Variants in VAMP4 observed in about 807,000 individuals in gnomAD.
The protein encoded by VAMP4 is vesicle associated membrane protein 4, also known as vesicle-associated membrane protein 4.
A neutral mutation model predicts 23.5 loss-of-function variants in VAMP4; 19 were observed. That is an observed-to-expected ratio of 0.81 (90% CI 0.56 to 1.19). The LOEUF (loss-of-function observed/expected upper bound fraction) is 1.19, where lower values mean the gene tolerates loss of function less well. Among genes scored for constraint, VAMP4 ranks in the 50% most tolerant of loss-of-function variants. The pLI is 0.00. For missense variants in VAMP4, 145 were observed against 168.6 expected, an observed-to-expected ratio of 0.86 and a Z score of 0.78; for synonymous variants, 31 against 51.0, an observed-to-expected ratio of 0.61 and a Z score of 1.67.
chr1:171,708,892 A>T (rs1257810673), intron 6 of VAMP4, among the ~76,000 whole-genome samples: 5 of 150,724 alleles, frequency 3.3e-5, no homozygotes, highest in Non-Finnish European at 5.9e-5. Flanking sequence ...AAAAAAAAAA[A>T]AAAGGAGAGT....
At chr1:171,725,119 AT>A (rs1471614636) in intron 3 of VAMP4, among the ~76,000 whole-genome samples, 3 of 152,010 alleles carry the variant, frequency 2.0e-5, no homozygotes, top group Non-Finnish European at 4.4e-5. Flanking sequence ...ACACCATTCT[AT>A]TTTGTGTTTC....
At chr1:171,734,841 C>T (rs1186015659) in intron 2 of VAMP4, among the ~76,000 whole-genome samples, 2 of 152,072 alleles carry the variant, frequency 1.3e-5, no homozygotes, top group Non-Finnish European at 2.9e-5. Flanking sequence ...ATTACAGTCT[C>T]AGCAGTGGAA....
rs1553258233 is a variant in VAMP4 at position 171,703,419 on chromosome 1, T to TATATATA, written c.*1086_*1087insTATATAT. 1 of 87,948 alleles carries TATATATA rather than the reference T, an allele frequency of 1.1e-5. No homozygotes were observed. The highest frequency in any genetic ancestry group is 4.1e-5 in the African/African-American group (1 of 24,396). The allele number at this position is 87,948 out of a possible 1,614,324, so 5.4% of individuals were successfully genotyped here. ...TGTGTGTGTGTGTGTGTGTGTGTGTTTGTGTGTATATATATATATATATAT... is the reference window on the plus strand; with the variant it reads ...TGTGTGTGTGTGTGTGTGTGTGTGTTATATATATGTGTGTATATATATATATATATAT... On this transcript the variant is annotated 3_prime_UTR_variant, in exon 8 of 8. Coordinates refer to ENST00000236192, the MANE Select transcript of VAMP4 (RefSeq NM_003762.5).
intron 7 of VAMP4, 99 bp from the exon 8 acceptor site, chr1:171,704,633 A>G: frequency 1.1e-6 from 1 of 925,408 alleles, no homozygotes; most frequent in African/African-American, 1.7e-5. Context: ...ACTTTTAGAA[A>G]TGGGTAATGA....
intron 3 of VAMP4, among the ~76,000 whole-genome samples, chr1:171,727,262 C>CA (rs1365801679): frequency 7.5e-6 from 1 of 133,602 alleles, no homozygotes; most frequent in African/African-American, 2.8e-5. Context: ...AAAAAAAAGC[C>CA]AAAAAAACAC....
At chr1:171,724,211 A>C (rs1460037914) in intron 3 of VAMP4, among the ~76,000 whole-genome samples, 2 of 151,886 alleles carry the variant, frequency 1.3e-5, no homozygotes, top group African/African-American at 4.8e-5. Flanking sequence ...TTCTGAGCAA[A>C]CTATCGCAAA....
chr1:171,709,649 C>T lies in VAMP4; in HGVS notation c.345+16G>A, dbSNP rs1366232779. On this transcript the variant is annotated intron_variant, in intron 6 of 7. Transcript: ENST00000236192. ...AGATGCTGACCAGTCTATCCAGTAG[C>T]TTCTGATTTACTTACTTTGCATCCA... The T allele has an allele frequency of 6.2e-6, 10 of 1,611,796 alleles. No homozygotes were observed. Among genetic ancestry groups the T allele is most frequent in the African/African-American group, 1.3e-5 (1 of 74,794 alleles).
At chr1:171,739,934 A>G (rs919558948) in intron 1 of VAMP4, among the ~76,000 whole-genome samples, 1 of 152,232 alleles carries the variant, frequency 6.6e-6, no homozygotes, top group African/African-American at 2.4e-5. Flanking sequence ...AAGTTCTTCT[A>G]TGCAAATAAT....
intron 2 of VAMP4, among the ~76,000 whole-genome samples, chr1:171,729,341 AC>A (rs1261310337): frequency 1.3e-5 from 2 of 152,182 alleles, no homozygotes; most frequent in Non-Finnish European, 2.9e-5. Context: ...TGGGGATGGG[AC>A]CGAAGTCTCA....
intron 3 of VAMP4, 112 bp downstream of exon 3, chr1:171,728,412 C>T (rs2124861979): frequency 1.2e-6 from 1 of 826,512 alleles, no homozygotes; most frequent in Admixed American, 3.2e-5. Flanking sequence ...AGGCATCTCT[C>T]ACGTATAAGG....
At position 171,700,719 on chromosome 1, in the gene VAMP4, C is replaced by T. The variant is rs1654401044; in HGVS notation, c.*3787G>A. On this transcript the variant is annotated 3_prime_UTR_variant, in exon 8 of 8. Transcript: ENST00000236192. ...TCACTGATATACTAACATGTGGCAT[C>T]TTTGTGGCTTCATAGGCACATTCAT... is the stretch of plus-strand genomic sequence containing the variant. 1 of 152,248 alleles carries T rather than the reference C, an allele frequency of 6.6e-6. No homozygotes were observed. The highest frequency in any genetic ancestry group is 2.4e-5 in the African/African-American group (1 of 41,456). The allele number at this position is 152,248 out of a possible 1,614,324, so 9.4% of individuals were successfully genotyped here.
intron 2 of VAMP4, among the ~76,000 whole-genome samples, chr1:171,730,917 G>A (rs917942285): frequency 2.6e-5 from 4 of 152,014 alleles, no homozygotes; most frequent in African/African-American, 9.7e-5. Context: ...AAAGAAGGAT[G>A]TATTCGGCTG....
intron 4 of VAMP4, among the ~76,000 whole-genome samples, chr1:171,714,945 T>A (rs1037880783): frequency 6.6e-6 from 1 of 152,150 alleles, no homozygotes; most frequent in Admixed American, 6.6e-5. Flanking sequence ...CCTTGATGAA[T>A]TCAGCCTGGA....
intron 1 of VAMP4, among the ~76,000 whole-genome samples, chr1:171,739,919 C>G (rs529434396): frequency 6.6e-6 from 1 of 151,654 alleles, no homozygotes; most frequent in Non-Finnish European, 1.5e-5. Flanking sequence ...TTTTTTTTTG[C>G]GAAAAAGTTC....
At chr1:171,725,635 C>G (rs1655338031) in intron 3 of VAMP4, among the ~76,000 whole-genome samples, 2 of 152,124 alleles carry the variant, frequency 1.3e-5, no homozygotes, top group Non-Finnish European at 2.9e-5. Flanking sequence ...TTTTCTGTTA[C>G]TGGATTTGCT....
At chr1:171,741,283 ATTCTC>A (rs2124875317) in intron 1 of VAMP4, among the ~76,000 whole-genome samples, 1 of 152,212 alleles carries the variant, frequency 6.6e-6, no homozygotes, top group East Asian at 1.9e-4. Flanking sequence ...CCCAGCCTCC[ATTCTC>A]TTTCTGATTC....
chr1:171,724,450 T>C lies in VAMP4; in HGVS notation c.113+4074A>G, dbSNP rs1345117419. ...AACAAACCTGCACACTGTGCACATG[T>C]ACCCTAGAACTTAAAGTATAATAAT... On this transcript the variant is annotated intron_variant, in intron 3 of 7. Transcript: ENST00000236192. 2.6e-5 allele frequency among the ~76,000 whole-genome samples: 4 copies of C among 152,214 alleles called. No individual in the cohort carries two copies. The South Asian group carries it at 8.3e-4, about 32-fold the overall frequency.
At chr1:171,730,075 A>G (rs537772814) in intron 2 of VAMP4, among the ~76,000 whole-genome samples, 4 of 152,322 alleles carry the variant, frequency 2.6e-5, no homozygotes, top group African/African-American at 9.6e-5. Flanking sequence ...GCAAGAAAAC[A>G]GTTTCTTCCC....
intron 7 of VAMP4, 128 bp downstream of exon 7, chr1:171,706,239 G>A (rs2124836217): frequency 1.3e-6 from 1 of 766,482 alleles, no homozygotes; most frequent in East Asian, 2.8e-5. Flanking sequence ...AAGAGCTCCT[G>A]AGACAGGTCA....
Sources: allele counts gnomAD v4.1 joint callset (sites outside exome capture counted in the v4.1 genomes callset), GRCh38; gene constraint gnomAD v4.1.1; transcripts MANE v1.5; gene names NCBI Gene and HGNC (gene_info 2026-07-23, HGNC 2026-07-21).